The following MS4A4A variants were observed in gnomAD, a reference collection of about 807,000 sequenced individuals.
The protein encoded by MS4A4A is membrane-spanning 4-domains subfamily A member 4A.
MS4A4A carries 26 observed loss-of-function variants against 28.0 expected under a neutral mutation model. That is an observed-to-expected ratio of 0.93 (90% CI 0.68 to 1.29). MS4A4A has a LOEUF of 1.29. Among genes scored for constraint, MS4A4A ranks in the 50% most tolerant of loss-of-function variants. The pLI is 0.00. For missense variants in MS4A4A, 290 were observed against 293.1 expected (o/e 0.99, Z 0.08); for synonymous variants, 86 against 100.8 (o/e 0.85, Z 0.88).
chr11:60,280,792 A>G (rs1474171638), intron 1 of MS4A4A, 76 bp downstream of exon 1: 3 of 1,560,906 alleles, frequency 1.9e-6, no homozygotes, highest in Non-Finnish European at 2.6e-6. Context: ...AATTTCTGGG[A>G]GGGGAATGAG....
In MS4A4A at chr11:60,292,330, T is replaced by C; in HGVS notation, c.147T>C (p.His49=). The change falls in exon 2 of 7, where the codon CAT becomes CAC. Residue 49 remains histidine (H), a synonymous_variant. Coordinates refer to ENST00000337908, the MANE Select transcript of MS4A4A (RefSeq NM_148975.3). The part of the protein sequence containing the change: ...QLGNMAVIHS[H]LWKGLQEKFL... ...GAAACATGGCTGTCATACATTCACA[T>C]CTGTGGAAAGGATTGCAAGAGAAGT... 2.5e-6 allele frequency: 4 copies of C among 1,610,524 alleles called. No homozygotes were observed. The highest frequency in any genetic ancestry group is 3.4e-6 in the Non-Finnish European group (4 of 1,178,510).
At chr11:60,292,201 A>T in intron 1 of MS4A4A, 24 bp from the exon 2 acceptor site, 1 of 1,518,366 alleles carries the variant, frequency 6.6e-7, no homozygotes, top group South Asian at 1.3e-5. Context: ...AGGACATCAT[A>T]CTAAATTACA....
chr11:60,287,657 G>A (rs1368013444), intron 1 of MS4A4A, among the ~76,000 whole-genome samples: 2 of 152,090 alleles, frequency 1.3e-5, no homozygotes, highest in Non-Finnish European at 2.9e-5. Context: ...TGACTCTAAA[G>A]TTCTAAGTCC....
intron 6 of MS4A4A, 49 bp downstream of exon 6, chr11:60,306,250 T>C (rs1261527065): frequency 1.4e-6 from 2 of 1,395,440 alleles, no homozygotes; most frequent in Non-Finnish European, 2.0e-6. Flanking sequence ...TTTCTATTGC[T>C]GTGTAATCGA....
At chr11:60,281,925 G>GT (rs1187225025) in intron 1 of MS4A4A, among the ~76,000 whole-genome samples, 1 of 152,028 alleles carries the variant, frequency 6.6e-6, no homozygotes, top group Non-Finnish European at 1.5e-5. Flanking sequence ...ATTCTCAGCA[G>GT]TTAAAAAAAA....
intron 1 of MS4A4A, chr11:60,289,947 T>A: frequency 5.0e-6 from 1 of 199,240 alleles, no homozygotes; most frequent in Non-Finnish European, 1.1e-5. Context: ...TTTGACTTCA[T>A]GTTTGTGATT....
intron 2 of MS4A4A, 89 bp downstream of exon 2, chr11:60,292,473 A>C: frequency 3.9e-5 from 52 of 1,325,848 alleles, no homozygotes; most frequent in Non-Finnish European, 4.6e-5. Flanking sequence ...CACTAGCCTC[A>C]TAATACAACA....
At chr11:60,306,644 C>T (rs767606465) in intron 6 of MS4A4A, among the ~76,000 whole-genome samples, 6 of 152,172 alleles carry the variant, frequency 3.9e-5, no homozygotes, top group Non-Finnish European at 7.4e-5. Context: ...TACACAGGTT[C>T]CATCCACACT....
At chr11:60,293,664 T>A (rs2084877095) in intron 2 of MS4A4A, among the ~76,000 whole-genome samples, 1 of 152,252 alleles carries the variant, frequency 6.6e-6, no homozygotes, top group Non-Finnish European at 1.5e-5. Context: ...CACAAATCTT[T>A]TATTGTCTTC....
intron 6 of MS4A4A, 151 bp from the exon 7 acceptor site, chr11:60,307,956 A>G: frequency 2.8e-6 from 2 of 714,528 alleles, no homozygotes; most frequent in East Asian, 5.1e-5. Context: ...CCTGATCAAG[A>G]GAGTGACTGA....
intron 1 of MS4A4A, among the ~76,000 whole-genome samples, chr11:60,289,003 T>C (rs532100463): frequency 2.6e-5 from 4 of 152,262 alleles, no homozygotes; most frequent in Admixed American, 2.0e-4. Context: ...AGCAGTTCCA[T>C]GGCAGCCTGG....
At chr11:60,295,645 A>G (rs1179970272) in intron 2 of MS4A4A, among the ~76,000 whole-genome samples, 4 of 152,032 alleles carry the variant, frequency 2.6e-5, no homozygotes, top group Non-Finnish European at 5.9e-5. Context: ...TTCTTTATCA[A>G]CCTGAAGAAG....
intron 1 of MS4A4A, among the ~76,000 whole-genome samples, chr11:60,291,662 G>A (rs2084856838): frequency 6.6e-6 from 1 of 151,874 alleles, no homozygotes; most frequent in African/African-American, 2.4e-5. Context: ...GCTCAGCATG[G>A]TGGCACGCGC....
intron 3 of MS4A4A, among the ~76,000 whole-genome samples, chr11:60,299,914 T>C (rs1162506311): frequency 6.6e-6 from 1 of 152,224 alleles, no homozygotes; most frequent in Non-Finnish European, 1.5e-5. Flanking sequence ...AATATTTCAA[T>C]ATTAAAAAAT....
intron 3 of MS4A4A, among the ~76,000 whole-genome samples, chr11:60,300,306 A>G (rs1417585834): frequency 6.6e-6 from 1 of 152,160 alleles, no homozygotes; most frequent in African/African-American, 2.4e-5. Context: ...TTTTTTTGCT[A>G]CTATTTTGCT....
intron 5 of MS4A4A, among the ~76,000 whole-genome samples, chr11:60,303,297 C>A (rs568351573): frequency 3.9e-5 from 6 of 152,304 alleles, no homozygotes; most frequent in Admixed American, 3.3e-4. Context: ...ATGCCACCTA[C>A]ACAATATTTT....
chr11:60,303,840 G>T (rs780017492), intron 5 of MS4A4A, among the ~76,000 whole-genome samples: 1 of 152,064 alleles, frequency 6.6e-6, no homozygotes, highest in Non-Finnish European at 1.5e-5. Flanking sequence ...TTATGTAAAC[G>T]TGGAAACCCA....
rs116056255 is a variant in MS4A4A at position 60,290,967 on chromosome 11, T to C, written c.42-1258T>C. On this transcript the variant is annotated intron_variant, in intron 1 of 6. Coordinates refer to ENST00000337908, the MANE Select transcript of MS4A4A (RefSeq NM_148975.3). The stretch of plus-strand genomic sequence containing the variant: ...CACACATCTCAAAACGAGACTTTTA[T>C]AGGGGCTCAGTGGAGAATAAGTGGT... Among the ~76,000 whole-genome samples the C allele has an allele frequency of 3.8e-3, 584 of 152,314 alleles. 4 individuals carry two copies. The highest frequency in any genetic ancestry group is 0.013 in the African/African-American group (537 of 41,566).
chr11:60,291,690 C>T (rs1190221028), intron 1 of MS4A4A, among the ~76,000 whole-genome samples: 3 of 149,410 alleles, frequency 2.0e-5, no homozygotes, highest in Non-Finnish European at 3.0e-5. Context: ...AACAGCTACT[C>T]GGGAGACTGA....
Sources: gnomAD v4.1 joint callset for allele counts (sites outside exome capture counted in the v4.1 genomes callset) on GRCh38, gnomAD v4.1.1 for gene constraint, MANE v1.5 for transcripts, NCBI Gene and HGNC (gene_info 2026-07-23, HGNC 2026-07-21) for gene names.